The following SNX5 variants were observed in gnomAD, a reference collection of about 807,000 sequenced individuals.
SNX5 encodes sorting nexin-5.
A neutral mutation model predicts 53.9 loss-of-function variants in SNX5; 31 were observed. The ratio of observed to expected loss-of-function variants is 0.58; its 90% CI spans 0.43 to 0.78. The LOEUF (loss-of-function observed/expected upper bound fraction) is 0.78. Ranked by LOEUF, SNX5 falls within the 30% of genes least tolerant of loss-of-function variation. The pLI is 0.00. For synonymous variants in SNX5, 168 were observed against 171.1 expected (o/e 0.98, Z 0.14); for missense variants, 471 against 478.8 (o/e 0.98, Z 0.15).
intron 1 of SNX5, 190 bp downstream of exon 1, chr20:17,968,185 T>C (rs1471030793): frequency 2.4e-6 from 1 of 414,804 alleles, no homozygotes; most frequent in African/African-American, 2.0e-5. Context: ...ATCCGGGACA[T>C]CCACAGGGAT....
intron 1 of SNX5, among the ~76,000 whole-genome samples, chr20:17,964,816 A>G (rs1257615716): frequency 1.3e-5 from 2 of 152,232 alleles, no homozygotes; most frequent in Non-Finnish European, 1.5e-5. Context: ...CTGAAACAGC[A>G]GAATTTTAAA....
chr20:17,958,640 T>G (rs1274666522), intron 1 of SNX5, among the ~76,000 whole-genome samples: 1 of 152,324 alleles, frequency 6.6e-6, no homozygotes, highest in East Asian at 1.9e-4. Flanking sequence ...TCTTGATAAC[T>G]CCTATGAAAT....
At chr20:17,964,840 T>C (rs2035512154) in intron 1 of SNX5, among the ~76,000 whole-genome samples, 1 of 152,160 alleles carries the variant, frequency 6.6e-6, no homozygotes, top group African/African-American at 2.4e-5. Flanking sequence ...AGTTCCCCTC[T>C]GCAGCACAAG....
chr20:17,961,436 A>G, intron 1 of SNX5: 4 of 985,440 alleles, frequency 4.1e-6, no homozygotes, highest in Non-Finnish European at 4.8e-6. Context: ...TGCCAAAATG[A>G]AAAAGACACA....
intron 1 of SNX5, among the ~76,000 whole-genome samples, chr20:17,959,442 C>T (rs1043730916): frequency 6.6e-6 from 1 of 150,734 alleles, no homozygotes; most frequent in African/African-American, 2.5e-5. Context: ...TGACTGCAAC[C>T]ACAGCATATC....
intron 3 of SNX5, among the ~76,000 whole-genome samples, chr20:17,954,977 G>A (rs2035327977): frequency 6.6e-6 from 1 of 152,170 alleles, no homozygotes; most frequent in South Asian, 2.1e-4. Context: ...CTCCCAAAGT[G>A]CTAGGATTAA....
intron 4 of SNX5, among the ~76,000 whole-genome samples, chr20:17,953,326 G>C (rs1300742820): frequency 9.9e-5 from 15 of 152,222 alleles, no homozygotes; most frequent in Admixed American, 9.8e-4. Flanking sequence ...CAGCTAAGAT[G>C]AGGAAATGCA....
intron 12 of SNX5, chr20:17,942,630 GC>G (rs1471257308): frequency 1.7e-6 from 1 of 577,096 alleles, no homozygotes; most frequent in African/African-American, 1.9e-5. Flanking sequence ...CAGCCAAAGA[GC>G]CGACGTTCAC....
chr20:17,945,602 C>T (rs1051636404), intron 11 of SNX5: 2 of 150,082 alleles, frequency 1.3e-5, no homozygotes, highest in African/African-American at 5.0e-5. Flanking sequence ...TGTACGTTTC[C>T]TTGAAAATTT....
intron 1 of SNX5, chr20:17,961,320 T>C: frequency 1.0e-6 from 1 of 985,438 alleles, no homozygotes. Flanking sequence ...AAAGGGCACC[T>C]GGATGACTGA....
In SNX5 at chr20:17,968,786, T is replaced by G; in HGVS notation, c.-361A>C. The G allele has an allele frequency of 5.1e-4, 139 of 270,248 alleles. No homozygotes were observed. Among genetic ancestry groups the G allele is most frequent in the East Asian group, 1.1e-3 (13 of 11,956 alleles). 16.7% of individuals were successfully genotyped at this position (270,248 alleles called of 1,614,324 possible). ...GGACACTCTCCCAGCAAGACGCGTC[T>G]AGAGAAAGACCGCGTTTCGGTGCGG... On this transcript the variant is annotated 5_prime_UTR_variant, in exon 1 of 13. Coordinates refer to ENST00000377759, the MANE Select transcript of SNX5 (RefSeq NM_014426.4).
At chr20:17,964,579 A>G (rs1488839832) in intron 1 of SNX5, among the ~76,000 whole-genome samples, 1 of 152,220 alleles carries the variant, frequency 6.6e-6, no homozygotes, top group East Asian at 1.9e-4. Flanking sequence ...TGAAGAAGCC[A>G]CTTTTTGGAA....
intron 1 of SNX5, 35 bp from the exon 2 acceptor site, chr20:17,957,072 C>T: frequency 1.7e-6 from 2 of 1,205,206 alleles, no homozygotes; most frequent in Non-Finnish European, 2.5e-6. Flanking sequence ...GTTTCAAACT[C>T]ATTTGGCCCT....
Position 17,956,925 on chromosome 20 carries a change from T to C in SNX5, c.156+8A>G. On this transcript the variant is annotated splice_region_variant and intron_variant, in intron 2 of 12. Coordinates refer to ENST00000377759, the MANE Select transcript of SNX5 (RefSeq NM_014426.4). ...GCACTGTATGTATTACCACTGCATG[T>C]TACTTACCTTTGTGTGCACTGTAAA... The C allele has an allele frequency of 7.0e-7, 1 of 1,429,828 alleles. No homozygotes were observed. Among genetic ancestry groups the C allele is most frequent in the Non-Finnish European group, 9.9e-7 (1 of 1,013,056 alleles). 88.6% of individuals were successfully genotyped at this position (1,429,828 alleles called of 1,614,324 possible).
intron 5 of SNX5, among the ~76,000 whole-genome samples, chr20:17,952,118 G>A (rs1177161498): frequency 3.3e-5 from 5 of 152,142 alleles, no homozygotes; most frequent in African/African-American, 7.2e-5. Flanking sequence ...AGCTACTCGG[G>A]AGGCTGAGGC....
In SNX5 at chr20:17,967,736, T is replaced by A. The variant is rs1382087297; in HGVS notation, c.51+639A>T. 1.8e-5 allele frequency: 4 copies of A among 223,062 alleles called. 1 individual carries two copies. The highest frequency in any genetic ancestry group is 9.0e-5 in the African/African-American group (4 of 44,212). 13.8% of individuals were successfully genotyped at this position (223,062 alleles called of 1,614,324 possible). ...GAATTTCAATTTATTGCATAAATAA[T>A]CTTTTAGACCTCAAGATACACGTGA... On this transcript the variant is annotated intron_variant, in intron 1 of 12. Transcript: ENST00000377759.
At chr20:17,955,875 C>G (rs1161735591) in intron 2 of SNX5, among the ~76,000 whole-genome samples, 1 of 152,176 alleles carries the variant, frequency 6.6e-6, no homozygotes, top group African/African-American at 2.4e-5. Context: ...CTCACTGCAA[C>G]CTCTGCCTTC....
Position 17,968,779 on chromosome 20 carries a change from A to G in SNX5, c.-354T>C. On this transcript the variant is annotated 5_prime_UTR_variant, in exon 1 of 13. Coordinates refer to ENST00000377759, the MANE Select transcript of SNX5 (RefSeq NM_014426.4). The stretch of plus-strand genomic sequence containing the variant: ...AAGCAACGGACACTCTCCCAGCAAG[A>G]CGCGTCTAGAGAAAGACCGCGTTTC... The G allele has an allele frequency of 3.2e-6, 1 of 313,462 alleles. No homozygotes were observed. Among genetic ancestry groups the G allele is most frequent in the Non-Finnish European group, 6.0e-6 (1 of 167,484 alleles). 19.4% of individuals were successfully genotyped at this position (313,462 alleles called of 1,614,324 possible).
chr20:17,958,002 CAAAAA>C (rs59621613), intron 1 of SNX5, among the ~76,000 whole-genome samples: 42 of 107,818 alleles, frequency 3.9e-4, no homozygotes, highest in East Asian at 3.3e-3. Context: ...TTCTGCCCGT[CAAAAA>C]AAAAAAAAAA....
Sources: allele counts gnomAD v4.1 joint callset (sites outside exome capture counted in the v4.1 genomes callset), GRCh38; gene constraint gnomAD v4.1.1; transcripts MANE v1.5; gene names NCBI Gene and HGNC (gene_info 2026-07-23, HGNC 2026-07-21).